RPF2: variants seen among roughly 807,000 people sequenced by gnomAD.
The protein encoded by RPF2 is ribosome production factor 2 homolog, also known as brix domain containing 1.
A neutral mutation model predicts 38.9 loss-of-function variants in RPF2; 21 were observed. That is an observed-to-expected ratio of 0.54 (90% CI 0.38 to 0.78). RPF2 has a LOEUF of 0.78. Ranked by LOEUF, RPF2 falls within the 30% of genes least tolerant of loss-of-function variation. The pLI, the probability that RPF2 is intolerant of heterozygous loss-of-function variation, is 0.00. For missense variants in RPF2, 314 were observed against 358.1 expected, an observed-to-expected ratio of 0.88 and a Z score of 0.99; for synonymous variants, 121 against 126.2, an observed-to-expected ratio of 0.96 and a Z score of 0.28.
intron 4 of RPF2, among the ~76,000 whole-genome samples, chr6:110,993,302 TTTTTTTTCTTTTAGTTAGTGAA>T (rs1352790991): frequency 6.2e-5 from 4 of 64,982 alleles, no homozygotes; most frequent in African/African-American, 3.6e-4. Flanking sequence ...TTTTTAATGT[TTTTTTTTCTTTTAGTTAGTGAA>T]TTTAAAAGAA....
intron 7 of RPF2, 92 bp from the exon 8 acceptor site, chr6:111,015,662 A>G: frequency 2.3e-6 from 2 of 857,390 alleles, no homozygotes. Flanking sequence ...TTAGATAAGT[A>G]TTGGAGCAAA....
chr6:110,997,851 A>G (rs941322741), intron 5 of RPF2, among the ~76,000 whole-genome samples: 1 of 150,214 alleles, frequency 6.7e-6, no homozygotes. Context: ...ATGTGTTGGT[A>G]TGCTTCAGGG....
intron 8 of RPF2, among the ~76,000 whole-genome samples, chr6:111,019,920 T>G (rs1013608217): frequency 6.6e-6 from 1 of 151,638 alleles, no homozygotes; most frequent in African/African-American, 2.4e-5. Flanking sequence ...TTTCTTTCTT[T>G]TGTTTTTTTT....
chr6:110,997,998 G>A (rs940571754), intron 5 of RPF2, among the ~76,000 whole-genome samples: 3 of 150,912 alleles, frequency 2.0e-5, no homozygotes, highest in Admixed American at 6.6e-5. Context: ...TCCGCCTCCC[G>A]AGTTCAAGCA....
chr6:110,989,416 T>A (rs1771579694), intron 3 of RPF2, among the ~76,000 whole-genome samples: 1 of 152,222 alleles, frequency 6.6e-6, no homozygotes, highest in Non-Finnish European at 1.5e-5. Context: ...TTCACTCATG[T>A]TAATCAAATG....
Position 111,025,551 on chromosome 6 carries a change from A to C in RPF2, c.890A>C (p.Glu297Ala). 1 of 1,608,046 alleles carries C rather than the reference A, an allele frequency of 6.2e-7. No individual in the cohort carries two copies. The highest frequency in any genetic ancestry group is 8.5e-7 in the Non-Finnish European group (1 of 1,178,762). The change falls in exon 10 of 10, where the codon GAG (glutamate) becomes GCG (alanine). Residue 297 changes from glutamate (E) to alanine (A), a missense_variant. By Grantham distance (107) the Glu-to-Ala change is moderately radical. Coordinates refer to ENST00000441448, the MANE Select transcript of RPF2 (RefSeq NM_032194.3). ...RPAERITEDH[E>A]KKSKRIKKN Reference sequence around the variant, plus strand: ...GCAGAAAGGATAACAGAAGACCACGAGAAAAAGTCAAAAAGAATTAAAAAA... The same window carrying C: ...GCAGAAAGGATAACAGAAGACCACGCGAAAAAGTCAAAAAGAATTAAAAAA...
chr6:111,017,130 A>T (rs1274277800), intron 8 of RPF2, among the ~76,000 whole-genome samples: 2 of 152,058 alleles, frequency 1.3e-5, no homozygotes, highest in African/African-American at 4.8e-5. Context: ...TTTTCCCCAC[A>T]TTTCCCCCCT....
At chr6:110,984,653 A>G (rs1280618504) in intron 1 of RPF2, among the ~76,000 whole-genome samples, 1 of 152,148 alleles carries the variant, frequency 6.6e-6, no homozygotes, top group Non-Finnish European at 1.5e-5. Flanking sequence ...TAGCCTGACC[A>G]ACATGGCGAA....
intron 5 of RPF2, 81 bp downstream of exon 5, chr6:110,997,345 A>T: frequency 1.2e-6 from 1 of 806,398 alleles, no homozygotes; most frequent in Non-Finnish European, 2.1e-6. Context: ...GTCTGCAGCA[A>T]CTTGGTTCTT....
chr6:111,004,372 C>CA (rs776396807), intron 6 of RPF2, among the ~76,000 whole-genome samples: 62 of 151,232 alleles, frequency 4.1e-4, no homozygotes, highest in Non-Finnish European at 7.4e-4. Flanking sequence ...TTAGTAGAGA[C>CA]AGAGTTTCAC....
At chr6:111,008,454 T>C (rs1771955662) in intron 7 of RPF2, among the ~76,000 whole-genome samples, 1 of 151,872 alleles carries the variant, frequency 6.6e-6, no homozygotes, top group Non-Finnish European at 1.5e-5. Flanking sequence ...CCTAAGTATC[T>C]CGGGAGAGTT....
intron 6 of RPF2, among the ~76,000 whole-genome samples, chr6:111,005,274 A>G (rs1301200875): frequency 6.6e-6 from 1 of 152,044 alleles, no homozygotes; most frequent in African/African-American, 2.4e-5. Context: ...TGGTTTTTGT[A>G]CTGTTTTTTT....
At position 110,982,116 on chromosome 6, in the gene RPF2, C is replaced by G. The variant is rs1489788895; in HGVS notation, c.10C>G (p.Leu4Val). 1.2e-6 allele frequency: 2 copies of G among 1,614,108 alleles called. No individual in the cohort carries two copies. The highest frequency in any genetic ancestry group is 2.2e-5 in the East Asian group (1 of 44,890). Reference sequence around the variant, plus strand: ...GCAGGTAGCGGTAGCGATGGACACTCTGGATCGAGTAGTGTAAGTGCGCTG... The same window carrying G: ...GCAGGTAGCGGTAGCGATGGACACTGTGGATCGAGTAGTGTAAGTGCGCTG... Reference protein sequence around the residue: MDTLDRVVKPKTKR... With the variant: MDTVDRVVKPKTKR... The change falls in exon 1 of 10, where the codon CTG becomes GTG. Residue 4 changes from leucine (L) to valine (V), a missense_variant. Leu to Val is a conservative substitution (Grantham distance 32). Coordinates refer to ENST00000441448, the MANE Select transcript of RPF2 (RefSeq NM_032194.3).
chr6:111,014,834 G>A (rs539248878), intron 7 of RPF2, among the ~76,000 whole-genome samples: 3 of 152,288 alleles, frequency 2.0e-5, no homozygotes, highest in South Asian at 2.1e-4. Flanking sequence ...CTCTTTTTAA[G>A]TTATTGTTTG....
At chr6:110,989,159 A>T (rs1027892423) in intron 3 of RPF2, 94 bp downstream of exon 3, 550 of 1,241,542 alleles carry the variant, frequency 4.4e-4, no homozygotes, top group Non-Finnish European at 5.6e-4. Flanking sequence ...AAAACTTTTT[A>T]AAAAGATATT....
chr6:111,019,044 G>T (rs1268748118), intron 8 of RPF2, among the ~76,000 whole-genome samples: 1 of 151,760 alleles, frequency 6.6e-6, no homozygotes, highest in African/African-American at 2.4e-5. Flanking sequence ...AGCGAAACCT[G>T]TCTCTACTAA....
chr6:111,000,743 C>T (rs964252672), intron 6 of RPF2, among the ~76,000 whole-genome samples: 3 of 152,018 alleles, frequency 2.0e-5, no homozygotes, highest in African/African-American at 4.8e-5. Context: ...TGGGTAAGGC[C>T]TAAGTAATTT....
At chr6:110,994,198 C>A (rs1299929461) in intron 4 of RPF2, among the ~76,000 whole-genome samples, 3 of 151,934 alleles carry the variant, frequency 2.0e-5, no homozygotes, top group Non-Finnish European at 4.4e-5. Flanking sequence ...TCACTTGAAC[C>A]CGGGAGGTGG....
intron 8 of RPF2, among the ~76,000 whole-genome samples, chr6:111,022,098 G>A (rs887929394): frequency 9.2e-5 from 14 of 152,308 alleles, no homozygotes; most frequent in Admixed American, 8.5e-4. Context: ...AAACAAAATC[G>A]TTAGTAATGC....
Sources: allele counts gnomAD v4.1 joint callset (sites outside exome capture counted in the v4.1 genomes callset), GRCh38; gene constraint gnomAD v4.1.1; transcripts MANE v1.5; gene names NCBI Gene and HGNC (gene_info 2026-07-23, HGNC 2026-07-21).